Variants in ARPP21 observed in about 807,000 individuals in gnomAD.
The protein encoded by ARPP21 is cAMP regulated phosphoprotein 21, also known as cAMP-regulated phosphoprotein 21.
A neutral mutation model predicts 113.2 loss-of-function variants in ARPP21; 69 were observed. The observed-to-expected ratio is 0.61, with a 90% CI of 0.50 to 0.74. ARPP21 has a LOEUF of 0.74. ARPP21 is among the 30% of genes least tolerant of loss of function. ARPP21 has a pLI of 0.00. For missense variants in ARPP21, 1,070 were observed against 1,037.4 expected, an observed-to-expected ratio of 1.03 and a Z score of -0.43; for synonymous variants, 368 against 375.5, an observed-to-expected ratio of 0.98 and a Z score of 0.23.
At chr3:35,772,731 C>T (rs2096244757) in intron 19 of ARPP21, among the ~76,000 whole-genome samples, 1 of 152,150 alleles carries the variant, frequency 6.6e-6, no homozygotes, top group Non-Finnish European at 1.5e-5. Flanking sequence ...TTATTTTGGG[C>T]AGTCATCTGT....
rs1206633332 is a variant in ARPP21 at position 35,739,522 on chromosome 3, T to A, written c.1955T>A (p.Val652Asp). The A allele has an allele frequency of 6.2e-7, 1 of 1,614,058 alleles. No homozygotes were observed. ...SGSGPPISQQ[V>D]LQPPPSPQGF... is the part of the protein sequence containing the mutation. ...TCTGGCCCTCCCATCTCCCAGCAGG[T>A]CCTCCAGCCCCCTCCCTCACCACAG... Residue 652 changes from valine to aspartate, a missense_variant, in exon 18 of 21, where the codon GTC becomes GAC. Val to Asp is a radical substitution (Grantham distance 152). Coordinates refer to ENST00000684406, the MANE Select transcript of ARPP21 (RefSeq NM_001385562.1).
chr3:35,733,154 G>A (rs2037016), intron 15 of ARPP21, among the ~76,000 whole-genome samples: 93,508 of 151,242 alleles, frequency 0.62, 29,973 homozygotes, highest in East Asian at 0.88. Flanking sequence ...ATTGCCCTTT[G>A]GTTCATTTCT....
intron 9 of ARPP21, among the ~76,000 whole-genome samples, chr3:35,695,899 G>T (rs1377139072): frequency 6.6e-6 from 1 of 151,520 alleles, no homozygotes; most frequent in African/African-American, 2.4e-5. Flanking sequence ...ATGTACCAAA[G>T]GGAAATTAGT....
intron 9 of ARPP21, among the ~76,000 whole-genome samples, chr3:35,696,913 G>A (rs1001648283): frequency 6.6e-6 from 1 of 151,288 alleles, no homozygotes; most frequent in Non-Finnish European, 1.5e-5. Flanking sequence ...TTCTGTGTTT[G>A]ACACAAAGCA....
chr3:35,650,173 G>A (rs887382542), intron 1 of ARPP21: 3 of 152,066 alleles, frequency 2.0e-5, no homozygotes, highest in Non-Finnish European at 2.9e-5. Context: ...AAATACATTC[G>A]AGAACACATT....
intron 1 of ARPP21, among the ~76,000 whole-genome samples, chr3:35,655,281 G>A (rs1013257554): frequency 6.6e-6 from 1 of 151,854 alleles, no homozygotes; most frequent in African/African-American, 2.4e-5. Flanking sequence ...ATATATTTGA[G>A]ATTTCTTATT....
At chr3:35,685,298 C>T in intron 5 of ARPP21, 1 of 985,298 alleles carries the variant, frequency 1.0e-6, no homozygotes, top group Non-Finnish European at 1.2e-6. Flanking sequence ...TTTGTTCCTG[C>T]TGGTTCCAAG....
At chr3:35,718,169 G>A (rs1474461649) in intron 13 of ARPP21, among the ~76,000 whole-genome samples, 3 of 152,112 alleles carry the variant, frequency 2.0e-5, no homozygotes, top group Admixed American at 2.0e-4. Context: ...ATTGAATGTT[G>A]AGAAAGTACA....
At chr3:35,764,412 G>T (rs896164658) in intron 19 of ARPP21, among the ~76,000 whole-genome samples, 1 of 152,194 alleles carries the variant, frequency 6.6e-6, no homozygotes, top group Middle Eastern at 3.4e-3. Flanking sequence ...TAAAGTGTGT[G>T]GCAAAAGATT....
rs149671922 is a variant in ARPP21, at chr3:35,717,061, T to G, written c.936-237T>G. Among the ~76,000 whole-genome samples, 545 of 152,172 alleles carry G rather than the reference T, an allele frequency of 3.6e-3. 3 individuals are homozygous for G. The highest frequency in any genetic ancestry group is 0.012 in the African/African-American group (505 of 41,566). On this transcript the variant is annotated intron_variant, in intron 12 of 20. Coordinates refer to ENST00000684406, the MANE Select transcript of ARPP21 (RefSeq NM_001385562.1). ...ATCAATCTCTTTTCTCCTCTTCTAT[T>G]CCCTCTGCTTCCTCTTTCCTTCTTT...
At chr3:35,643,879 T>C (rs1699150754) in intron 1 of ARPP21, 1 of 152,052 alleles carries the variant, frequency 6.6e-6, no homozygotes. Flanking sequence ...TTTAGAAATT[T>C]GTGAATCTCT....
intron 19 of ARPP21, among the ~76,000 whole-genome samples, chr3:35,753,598 G>A (rs2151122810): frequency 6.6e-6 from 1 of 152,038 alleles, no homozygotes; most frequent in African/African-American, 2.4e-5. Flanking sequence ...TGGACTTAGT[G>A]GCATGGCTGG....
chr3:35,697,424 A>T (rs941143988), intron 9 of ARPP21, among the ~76,000 whole-genome samples: 2 of 151,660 alleles, frequency 1.3e-5, no homozygotes, highest in African/African-American at 2.4e-5. Context: ...GTGTGTAGTG[A>T]CTATGGCAGT....
At chr3:35,769,393 G>C (rs1465925906) in intron 19 of ARPP21, among the ~76,000 whole-genome samples, 1 of 152,128 alleles carries the variant, frequency 6.6e-6, no homozygotes, top group Non-Finnish European at 1.5e-5. Context: ...CAAGGGTGGA[G>C]CTTCAGGTAG....
At chr3:35,682,672 AAGG>A (rs1243596271) in intron 3 of ARPP21, among the ~76,000 whole-genome samples, 173 bp from the exon 4 acceptor site, 1 of 151,870 alleles carries the variant, frequency 6.6e-6, no homozygotes, top group Non-Finnish European at 1.5e-5. Context: ...AAAGCTAGGG[AAGG>A]AGGAGTCCTC....
intron 2 of ARPP21, among the ~76,000 whole-genome samples, chr3:35,680,307 T>G (rs1411802918): frequency 6.6e-6 from 1 of 151,914 alleles, no homozygotes; most frequent in African/African-American, 2.4e-5. Flanking sequence ...TCCGTCAGAA[T>G]GCACTGGATG....
intron 1 of ARPP21, among the ~76,000 whole-genome samples, chr3:35,661,809 T>C (rs1206980356): frequency 1.3e-5 from 2 of 152,160 alleles, no homozygotes; most frequent in Non-Finnish European, 2.9e-5. Flanking sequence ...TTTTAGTTGT[T>C]CCATGTGTAT....
intron 10 of ARPP21, chr3:35,707,483 G>T (rs1171358401): frequency 8.6e-6 from 4 of 465,518 alleles, no homozygotes; most frequent in African/African-American, 7.9e-5. Flanking sequence ...AATTGAGCTG[G>T]ATTATCAATA....
At chr3:35,688,543 A>G (rs1191765317) in intron 6 of ARPP21, among the ~76,000 whole-genome samples, 1 of 151,648 alleles carries the variant, frequency 6.6e-6, no homozygotes, top group Non-Finnish European at 1.5e-5. Flanking sequence ...CTAAGTTGAA[A>G]TGAAGAGTAC....
Sources: allele counts gnomAD v4.1 joint callset (sites outside exome capture counted in the v4.1 genomes callset), GRCh38; gene constraint gnomAD v4.1.1; transcripts MANE v1.5; gene names NCBI Gene and HGNC (gene_info 2026-07-23, HGNC 2026-07-21).